Variants in ADAMTS1 observed in about 807,000 individuals in gnomAD.
The protein encoded by ADAMTS1 is ADAM metallopeptidase with thrombospondin type 1 motif 1.
A neutral mutation model predicts 87.9 loss-of-function variants in ADAMTS1; 19 were observed. The ratio of observed to expected loss-of-function variants is 0.22; its 90% CI spans 0.15 to 0.32. The LOEUF is 0.32. Ranked by LOEUF, ADAMTS1 falls within the 10% of genes least tolerant of loss-of-function variation. ADAMTS1 has a pLI of 1.00. For missense variants in ADAMTS1, 1,240 were observed against 1,259.1 expected (o/e 0.98, Z 0.23); for synonymous variants, 542 against 501.8 (o/e 1.08, Z -1.07).
At position 26,840,399 on chromosome 21, in the gene ADAMTS1, G is replaced by A. The variant is rs758094252; in HGVS notation, c.1542C>T (p.Thr514=). Residue 514 remains threonine, a synonymous_variant, in exon 5 of 9, where the codon ACC becomes ACT. Transcript: ENST00000284984. ...TTTGACACACCAGCACCCCACCAGAGGTGCCGGTACACCACAAGGTGCTAC... is the reference window on the plus strand; with the variant it reads ...TTTGACACACCAGCACCCCACCAGAAGTGCCGGTACACCACAAGGTGCTAC... ...STCSTLWCTG[T]SGGVLVCQTK... The A allele has an allele frequency of 2.5e-6, 4 of 1,614,110 alleles. No homozygotes were observed. The highest frequency in any genetic ancestry group is 2.7e-5 in the African/African-American group (2 of 74,940).
At position 26,839,680 on chromosome 21, in the gene ADAMTS1, C is replaced by A. The variant is rs751083206; in HGVS notation, c.1935G>T (p.Trp645Cys). ...GTGAGACGCCAGCGTACTTGGGAAT[C>A]CATTCCACCGCAGGCCCACTCCCAA... is the stretch of plus-strand genomic sequence containing the variant. ...ASFGSGPAVE[W>C]IPKYAGVSPK... The change falls in exon 7 of 9, where the codon TGG (tryptophan) becomes TGT (cysteine). Residue 645 changes from tryptophan to cysteine, a missense_variant. By Grantham distance (215) the Trp-to-Cys change is radical. Coordinates refer to ENST00000284984, the MANE Select transcript of ADAMTS1 (RefSeq NM_006988.5). The A allele has an allele frequency of 6.2e-7, 1 of 1,613,984 alleles. No individual in the cohort carries two copies.
rs1466525130 is a variant in ADAMTS1, at chr21:26,838,528, T to A, written c.2115A>T (p.Ile705=). Reference sequence around the variant, plus strand: ...ATTTATCAAACTTCTTTTTGGAGTCTATGATGCGATCACAACCAGCTTTTA... The same window carrying A: ...ATTTATCAAACTTCTTTTTGGAGTCAATGATGCGATCACAACCAGCTTTTA... ...QCVKAGCDRI[I]DSKKKFDKCG... Residue 705 remains isoleucine (I), a synonymous_variant, in exon 8 of 9, where the codon ATA becomes ATT. Transcript: ENST00000284984. The A allele has an allele frequency of 6.2e-7, 1 of 1,614,186 alleles. No individual in the cohort carries two copies. The highest frequency in any genetic ancestry group is 1.1e-5 in the South Asian group (1 of 91,074).
chr21:26,843,430 A>T (rs1161091567), intron 1 of ADAMTS1: 1 of 465,158 alleles, frequency 2.1e-6, no homozygotes, highest in South Asian at 1.6e-5. Context: ...TCTTTAAAAA[A>T]TGACACGCGA....
At position 26,839,604 on chromosome 21, in the gene ADAMTS1, A is replaced by G. The variant is rs777943580; in HGVS notation, c.2011T>C (p.Phe671Leu). The G allele has an allele frequency of 2.5e-6, 4 of 1,601,268 alleles. No homozygotes were observed. Among genetic ancestry groups the G allele is most frequent in the Non-Finnish European group, 3.4e-6 (4 of 1,170,502 alleles). The change falls in exon 7 of 9, where the codon TTC becomes CTC. Residue 671 changes from phenylalanine to leucine, a missense_variant. Transcript: ENST00000284984. ...CGAACTACCTTGGGCTGCAAAACGA[A>G]GAAGTAGCCAATGCCTTTGGCTTGG... ...ICQAKGIGYF[F>L]VLQPKVVDGT...
Position 26,838,578 on chromosome 21 carries a change from A to C in ADAMTS1, c.2065T>G (p.Ser689Ala), listed in dbSNP as rs1215340629. 6.2e-7 allele frequency: 1 copy of C among 1,614,182 alleles called. No individual in the cohort carries two copies. Among genetic ancestry groups the C allele is most frequent in the Non-Finnish European group, 8.5e-7 (1 of 1,180,026 alleles). The change falls in exon 8 of 9, where the codon TCT (serine) becomes GCT (alanine). Residue 689 changes from serine (S) to alanine (A), a missense_variant. By Grantham distance (99) the Ser-to-Ala change is moderately conservative (BLOSUM62 1). This residue lies in a region of ADAMTS1 where 402 missense variants were observed against 399.1 expected (regional missense o/e 1.01). Coordinates refer to ENST00000284984, the MANE Select transcript of ADAMTS1 (RefSeq NM_006988.5). Reference protein sequence around the residue: ...DGTPCSPDSTSVCVQGQCVKA... With the variant: ...DGTPCSPDSTAVCVQGQCVKA... The stretch of plus-strand genomic sequence containing the variant: ...ACACACTGTCCTTGCACACAGACAG[A>C]GGTGGAATCTGGGCTACATGGAGTA...
rs1275756719 is a variant in ADAMTS1, at chr21:26,838,054, C to A, written c.2429G>T (p.Arg810Ile). 1 of 1,614,188 alleles carries A rather than the reference C, an allele frequency of 6.2e-7. No homozygotes were observed. Among genetic ancestry groups the A allele is most frequent in the Admixed American group, 1.7e-5 (1 of 60,028 alleles). The change falls in exon 9 of 9, where the codon AGA becomes ATA. Residue 810 changes from arginine (R) to isoleucine (I), a missense_variant. Around this residue, in one of 3 missense-constraint regions of ADAMTS1, gnomAD observed 402 missense variants for 399.1 expected, o/e 1.01. Coordinates refer to ENST00000284984, the MANE Select transcript of ADAMTS1 (RefSeq NM_006988.5). ...TTTGAGAGGGCTAAAGCTGCGAATT[C>A]TTTCCAATGCCGCAGAGGAGCCGCT... ...RYSGSSAALERIRSFSPLKEP... is the reference protein window; with the variant it reads ...RYSGSSAALEIIRSFSPLKEP...
chr21:26,840,151 T>C (rs1414898958), intron 5 of ADAMTS1, 90 bp from the exon 6 acceptor site: 71 of 1,548,974 alleles, frequency 4.6e-5, no homozygotes, highest in Non-Finnish European at 6.2e-5. Context: ...AAGAATCAGT[T>C]CTAAAAATAA....
intron 1 of ADAMTS1, 121 bp from the exon 2 acceptor site, chr21:26,842,806 C>T: frequency 1.3e-6 from 1 of 745,218 alleles, no homozygotes; most frequent in Non-Finnish European, 2.1e-6. Flanking sequence ...CCCAGAACAA[C>T]AATAACAAAA....
At position 26,844,279 on chromosome 21, in the gene ADAMTS1, C is replaced by T. The variant is rs148460805; in HGVS notation, c.676G>A (p.Gly226Arg). ...EDEGTEGEDE[G>R]AQWSPQDPAL... ...GGGTCCTGCGGCGACCACTGAGCCC[C>T]TTCGTCCTCGCCCTCAGTCCCTTCG... The change falls in exon 1 of 9, where the codon GGG (glycine) becomes AGG (arginine). Residue 226 changes from glycine (G) to arginine (R), a missense_variant. Around this residue, in one of 3 missense-constraint regions of ADAMTS1, gnomAD observed 521 missense variants for 449.7 expected, o/e 1.16. Transcript: ENST00000284984. The T allele has an allele frequency of 8.5e-5, 136 of 1,603,014 alleles. No homozygotes were observed. Among genetic ancestry groups the T allele is most frequent in the Non-Finnish European group, 1.1e-4 (126 of 1,175,154 alleles).
rs528483725 is a variant in ADAMTS1 at position 26,843,571 on chromosome 21, T to C, written c.730+654A>G. ...TCAACAGTGCTTGAGAGCAGAATTATGGCCGCGAGAGGGAGTGCAAACTGG... is the reference window on the plus strand; with the variant it reads ...TCAACAGTGCTTGAGAGCAGAATTACGGCCGCGAGAGGGAGTGCAAACTGG... On this transcript the variant is annotated intron_variant, in intron 1 of 8. Coordinates refer to ENST00000284984, the MANE Select transcript of ADAMTS1 (RefSeq NM_006988.5). The C allele has an allele frequency of 1.3e-3, 631 of 467,748 alleles. 1 individual carries two copies. The highest frequency in any genetic ancestry group is 6.3e-3 in the Middle Eastern group (19 of 3,040). 29.0% of individuals were successfully genotyped at this position (467,748 alleles called of 1,614,324 possible).
intron 4 of ADAMTS1, among the ~76,000 whole-genome samples, 177 bp from the exon 5 acceptor site, chr21:26,840,739 C>T (rs1049102711): frequency 7.2e-5 from 11 of 152,154 alleles, no homozygotes; most frequent in Admixed American, 1.3e-4. Flanking sequence ...ATCTTATCCT[C>T]AATGGGGTAT....
At chr21:26,839,014 T>C (rs1166738511) in intron 7 of ADAMTS1, 1 of 170,354 alleles carries the variant, frequency 5.9e-6, no homozygotes, top group African/African-American at 2.4e-5. Flanking sequence ...ATGGTGCTAA[T>C]GACACACGAT....
At position 26,845,101 on chromosome 21, in the gene ADAMTS1, A is replaced by G; in HGVS notation, c.-147T>C. The G allele has an allele frequency of 8.7e-7, 1 of 1,154,428 alleles. No individual in the cohort carries two copies. The highest frequency in any genetic ancestry group is 1.1e-6 in the Non-Finnish European group (1 of 898,342). 71.5% of individuals were successfully genotyped at this position (1,154,428 alleles called of 1,614,324 possible). The stretch of plus-strand genomic sequence containing the variant: ...GTTGGAAGGGCGCGCAGAGCCGGCT[A>G]CAGCCGAAGCTCCCGGAGTCACTAA... On this transcript the variant is annotated 5_prime_UTR_variant, in exon 1 of 9. Coordinates refer to ENST00000284984, the MANE Select transcript of ADAMTS1 (RefSeq NM_006988.5).
At position 26,844,911 on chromosome 21, in the gene ADAMTS1, C is replaced by A; in HGVS notation, c.44G>T (p.Gly15Val). The change falls in exon 1 of 9, where the codon GGC (glycine) becomes GTC (valine). Residue 15 changes from glycine (G) to valine (V), a missense_variant. Gly to Val is a moderately radical substitution (Grantham distance 109). Around this residue, in one of 3 missense-constraint regions of ADAMTS1, gnomAD observed 521 missense variants for 449.7 expected, o/e 1.16. Coordinates refer to ENST00000284984, the MANE Select transcript of ADAMTS1 (RefSeq NM_006988.5). ...CCGCTCCGCGTTCCCCATGTCGCTGCCCAGCTTGCGCCTTCCGAACCCCTC... is the reference window on the plus strand; with the variant it reads ...CCGCTCCGCGTTCCCCATGTCGCTGACCAGCTTGCGCCTTCCGAACCCCTC... Reference protein sequence around the residue: ...VPEGFGRRKLGSDMGNAERAP... With the variant: ...VPEGFGRRKLVSDMGNAERAP... 5 of 1,521,818 alleles carry A rather than the reference C, an allele frequency of 3.3e-6. No homozygotes were observed. The highest frequency in any genetic ancestry group is 3.5e-6 in the Non-Finnish European group (4 of 1,136,162). 94.3% of individuals were successfully genotyped at this position (1,521,818 alleles called of 1,614,324 possible). A position where few individuals can be genotyped will look rare whatever the true frequency, so the allele number is the denominator to read the frequency against.
chr21:26,842,253 C>T (rs1985509275), intron 2 of ADAMTS1, 86 bp downstream of exon 2: 2 of 1,329,716 alleles, frequency 1.5e-6, no homozygotes, highest in Non-Finnish European at 2.0e-6. Context: ...TGCAAAAACA[C>T]TGGTGAAATG....
chr21:26,842,429 C>G lies in ADAMTS1; in HGVS notation c.987G>C (p.Leu329=). The G allele has an allele frequency of 6.2e-7, 1 of 1,614,174 alleles. No individual in the cohort carries two copies. ...GCTTCTGCCAGTTGCAAAAGTTCCG[C>G]AGAGTGAGGGCAGCATTGGAGGTCA... The part of the protein sequence containing the change: ...PEVTSNAALT[L]RNFCNWQKQH... Residue 329 remains leucine, a synonymous_variant, in exon 2 of 9, where the codon CTG becomes CTC. Transcript: ENST00000284984.
At position 26,842,637 on chromosome 21, in the gene ADAMTS1, A is replaced by T. The variant is rs1483869252; in HGVS notation, c.779T>A (p.Val260Glu). 15 of 1,613,948 alleles carry T rather than the reference A, an allele frequency of 9.3e-6. No individual in the cohort carries two copies. Among genetic ancestry groups the T allele is most frequent in the Non-Finnish European group, 1.3e-5 (15 of 1,180,012 alleles). ...CTGGTCTGCCACAAGCATGGTTTCC[A>T]CATAGCGGTGACTGGACACAAATCG... Reference protein sequence around the residue: ...KKRFVSSHRYVETMLVADQSM... With the variant: ...KKRFVSSHRYEETMLVADQSM... Residue 260 changes from valine to glutamate, a missense_variant, in exon 2 of 9, where the codon GTG becomes GAG. Val to Glu is a moderately radical substitution (Grantham distance 121). Coordinates refer to ENST00000284984, the MANE Select transcript of ADAMTS1 (RefSeq NM_006988.5).
intron 2 of ADAMTS1, 59 bp downstream of exon 2, chr21:26,842,280 T>G: frequency 6.6e-7 from 1 of 1,504,360 alleles, no homozygotes; most frequent in African/African-American, 1.4e-5. Context: ...ATATATCTTT[T>G]TGGTACAACG....
In ADAMTS1 at chr21:26,840,053, A is replaced by C. The variant is rs1198032428; in HGVS notation, c.1674T>G (p.Phe558Leu). The change falls in exon 6 of 9, where the codon TTT (phenylalanine) becomes TTG (leucine). Residue 558 changes from phenylalanine (F) to leucine (L), a missense_variant. By Grantham distance (22) the Phe-to-Leu change is conservative. Transcript: ENST00000284984. ...GCCCCCACATTCCCCAGCTTCCATGAAAAGGCGTCTAAATGGAGACATAAA... is the reference window on the plus strand; with the variant it reads ...GCCCCCACATTCCCCAGCTTCCATGCAAAGGCGTCTAAATGGAGACATAAA... ...KTDRKHFDTP[F>L]HGSWGMWGPW... 2 of 1,612,842 alleles carry C rather than the reference A, an allele frequency of 1.2e-6. No individual in the cohort carries two copies. The highest frequency in any genetic ancestry group is 2.2e-5 in the South Asian group (2 of 90,764).
Sources: gnomAD v4.1 joint callset for allele counts (sites outside exome capture counted in the v4.1 genomes callset) on GRCh38, gnomAD v4.1.1 for gene constraint, gnomAD v4.1.1 regional missense constraint, MANE v1.5 for transcripts, NCBI Gene and HGNC (gene_info 2026-07-23, HGNC 2026-07-21) for gene names.